CCDC18: variants seen among roughly 807,000 people sequenced by gnomAD.
The protein encoded by CCDC18 is coiled-coil domain containing 18, also known as coiled-coil domain-containing protein 18.
A neutral mutation model predicts 196.0 loss-of-function variants in CCDC18; 157 were observed. That is an observed-to-expected ratio of 0.80 (90% CI 0.70 to 0.91). The LOEUF (loss-of-function observed/expected upper bound fraction) is 0.91. CCDC18 is among the 40% of genes least tolerant of loss of function. The pLI, the probability that CCDC18 is intolerant of heterozygous loss-of-function variation, is 0.00. For synonymous variants in CCDC18, 482 were observed against 529.2 expected (o/e 0.91, Z 1.22); for missense variants, 1,465 against 1,611.6 (o/e 0.91, Z 1.56).
At chr1:93,234,035 T>C (rs1171260261) in intron 18 of CCDC18, among the ~76,000 whole-genome samples, 1 of 152,368 alleles carries the variant, frequency 6.6e-6, no homozygotes, top group East Asian at 1.9e-4. Context: ...TCCCACTGCC[T>C]ACATCCTTTG....
At chr1:93,245,657 A>T (rs1193880688) in intron 21 of CCDC18, among the ~76,000 whole-genome samples, 1 of 152,106 alleles carries the variant, frequency 6.6e-6, no homozygotes, top group East Asian at 1.9e-4. Context: ...TTTATATGTA[A>T]GGCATCGTTT....
In CCDC18 at chr1:93,207,300, G is replaced by A; in HGVS notation, c.1111G>A (p.Val371Ile). 1.9e-6 allele frequency: 3 copies of A among 1,613,528 alleles called. No individual in the cohort carries two copies. The highest frequency in any genetic ancestry group is 1.3e-5 in the African/African-American group (1 of 75,026). ...MNENRELKVR[V>I]AAQNERLDLC... Reference sequence around the variant, plus strand: ...TGAAAACCGAGAATTAAAGGTCCGTGTTGCAGCACAGAATGAGCGACTAGA... The same window carrying A: ...TGAAAACCGAGAATTAAAGGTCCGTATTGCAGCACAGAATGAGCGACTAGA... Residue 371 changes from valine to isoleucine, a missense_variant, in exon 9 of 29, where the codon GTT becomes ATT. Coordinates refer to ENST00000690025, the MANE Select transcript of CCDC18 (RefSeq NM_001378204.1).
intron 12 of CCDC18, 94 bp from the exon 13 acceptor site, chr1:93,216,542 T>C: frequency 1.7e-6 from 1 of 584,106 alleles, no homozygotes; most frequent in Non-Finnish European, 2.9e-6. Flanking sequence ...ACACAATGTA[T>C]TTGAACTTTG....
Position 93,270,590 on chromosome 1 carries a change from G to T in CCDC18, c.4129G>T (p.Asp1377Tyr), listed in dbSNP as rs1312410709. Residue 1377 changes from aspartate to tyrosine, a missense_variant, in exon 28 of 29, where the codon GAC becomes TAC. Transcript: ENST00000690025. ...AGATCTTTCTGAAGAATTACTACAGGACTTAAAGAAAATGCAATTAGAACA... is the reference window on the plus strand; with the variant it reads ...AGATCTTTCTGAAGAATTACTACAGTACTTAAAGAAAATGCAATTAGAACA... ...DEDLSEELLQDLKKMQLEQPS... is the reference protein window; with the variant it reads ...DEDLSEELLQYLKKMQLEQPS... The T allele has an allele frequency of 2.6e-5, 41 of 1,550,192 alleles. No homozygotes were observed. The highest frequency in any genetic ancestry group is 1.7e-6 in the Non-Finnish European group (2 of 1,146,896).
chr1:93,228,323 A>G (rs1407167855), intron 17 of CCDC18, among the ~76,000 whole-genome samples: 1 of 152,164 alleles, frequency 6.6e-6, no homozygotes, highest in African/African-American at 2.4e-5. Flanking sequence ...CACTGCAGCT[A>G]CTGGCCATTC....
At chr1:93,199,178 C>T (rs1653349227) in intron 6 of CCDC18, among the ~76,000 whole-genome samples, 2 of 152,224 alleles carry the variant, frequency 1.3e-5, no homozygotes, top group South Asian at 4.1e-4. Flanking sequence ...TCATTCTGCC[C>T]ACTCAGCCTG....
At chr1:93,242,136 C>G (rs1314241216) in intron 21 of CCDC18, among the ~76,000 whole-genome samples, 2 of 152,108 alleles carry the variant, frequency 1.3e-5, no homozygotes, top group Non-Finnish European at 2.9e-5. Context: ...TGAAAACACC[C>G]CAAATGTTCA....
intron 6 of CCDC18, among the ~76,000 whole-genome samples, chr1:93,194,679 T>A (rs1553165160): frequency 6.6e-6 from 1 of 152,220 alleles, no homozygotes; most frequent in Non-Finnish European, 1.5e-5. Flanking sequence ...AACTTTGTGG[T>A]TAAATACTCT....
At chr1:93,248,916 TGAG>T (rs1661864163) in intron 23 of CCDC18, among the ~76,000 whole-genome samples, 1 of 148,664 alleles carries the variant, frequency 6.7e-6, no homozygotes, top group Non-Finnish European at 1.5e-5. Context: ...GAGGCTGCAT[TGAG>T]CCATGAGTGC....
At chr1:93,180,903 G>A (rs748256044) in intron 1 of CCDC18, 51 bp downstream of exon 1, 2 of 1,360,278 alleles carry the variant, frequency 1.5e-6, no homozygotes, top group Admixed American at 1.9e-5. Context: ...GCGCCTTGGC[G>A]TGGGGAAACC....
At chr1:93,195,894 G>A (rs900014639) in intron 6 of CCDC18, among the ~76,000 whole-genome samples, 1 of 152,164 alleles carries the variant, frequency 6.6e-6, no homozygotes, top group African/African-American at 2.4e-5. Context: ...GAGATTGAAA[G>A]ATCAGAACCT....
chr1:93,274,285 C>G (rs1282624152), intron 28 of CCDC18, among the ~76,000 whole-genome samples: 1 of 151,928 alleles, frequency 6.6e-6, no homozygotes, highest in Non-Finnish European at 1.5e-5. Context: ...CACCTGTAAT[C>G]CCAGCTGCTC....
intron 24 of CCDC18, among the ~76,000 whole-genome samples, chr1:93,255,551 C>T (rs574672342): frequency 1.6e-4 from 24 of 152,222 alleles, no homozygotes; most frequent in Admixed American, 9.8e-4. Flanking sequence ...GGCATCGTAG[C>T]AGTGGGACCC....
chr1:93,197,088 G>A (rs552023283), intron 6 of CCDC18, among the ~76,000 whole-genome samples: 1 of 152,162 alleles, frequency 6.6e-6, no homozygotes, highest in Admixed American at 6.5e-5. Context: ...GAAAATTAAT[G>A]AACTGAAATA....
chr1:93,229,310 G>A (rs577063530), intron 17 of CCDC18, among the ~76,000 whole-genome samples: 1 of 152,212 alleles, frequency 6.6e-6, no homozygotes, highest in African/African-American at 2.4e-5. Flanking sequence ...GATAAAAAAC[G>A]TGGAGAAGAA....
chr1:93,180,261 G>T, upstream of CCDC18: 28 of 1,595,554 alleles, frequency 1.8e-5, no homozygotes, highest in Non-Finnish European at 2.4e-5. Flanking sequence ...GGGCGATCCC[G>T]GGCTGAAAGA....
chr1:93,227,986 A>ATT (rs1553175553), intron 17 of CCDC18, among the ~76,000 whole-genome samples: 23 of 145,924 alleles, frequency 1.6e-4, no homozygotes, highest in African/African-American at 5.7e-4. Context: ...ATATATATAT[A>ATT]TATTTATTTA....
At chr1:93,234,450 G>A (rs1298782361) in intron 18 of CCDC18, among the ~76,000 whole-genome samples, 1 of 152,116 alleles carries the variant, frequency 6.6e-6, no homozygotes, top group African/African-American at 2.4e-5. Flanking sequence ...GTGAGCCACT[G>A]CGCCTGGCCT....
At chr1:93,207,888 T>C (rs1169582058) in intron 9 of CCDC18, among the ~76,000 whole-genome samples, 2 of 152,238 alleles carry the variant, frequency 1.3e-5, no homozygotes, top group East Asian at 3.8e-4. Context: ...ACTCGTATAA[T>C]ATGTGCTCTT....
Sources: allele counts gnomAD v4.1 joint callset (sites outside exome capture counted in the v4.1 genomes callset), GRCh38; gene constraint gnomAD v4.1.1; transcripts MANE v1.5; gene names NCBI Gene and HGNC (gene_info 2026-07-23, HGNC 2026-07-21).